Variants in HUNK observed in about 807,000 individuals in gnomAD.
HUNK encodes the protein hormonally up-regulated neu tumor-associated kinase.
A neutral mutation model predicts 61.0 loss-of-function variants in HUNK; 21 were observed. That is an observed-to-expected ratio of 0.34 (90% confidence interval 0.24 to 0.50). The LOEUF (loss-of-function observed/expected upper bound fraction) is 0.50, where lower values mean the gene tolerates loss of function less well. HUNK is among the 20% of genes least tolerant of loss of function. HUNK has a pLI of 0.98. For missense variants in HUNK, 772 were observed against 945.7 expected, an observed-to-expected ratio of 0.82 and a Z score of 2.41; for synonymous variants, 371 against 386.1, an observed-to-expected ratio of 0.96 and a Z score of 0.46.
intron 2 of HUNK, among the ~76,000 whole-genome samples, chr21:31,925,463 G>A (rs2052653473): frequency 6.6e-6 from 1 of 152,220 alleles, no homozygotes; most frequent in South Asian, 2.1e-4. Flanking sequence ...TTAGGTGCCT[G>A]AAAGAGCCAG....
intron 1 of HUNK, among the ~76,000 whole-genome samples, chr21:31,887,926 T>C (rs2123791176): frequency 6.6e-6 from 1 of 152,280 alleles, no homozygotes; most frequent in East Asian, 1.9e-4. Context: ...ACATGGTTTT[T>C]GCTTTGATCA....
intron 1 of HUNK, among the ~76,000 whole-genome samples, chr21:31,885,978 G>T (rs1429491706): frequency 6.6e-6 from 1 of 152,036 alleles, no homozygotes; most frequent in East Asian, 1.9e-4. Flanking sequence ...TGATCCACCC[G>T]TCTCAGCCTC....
chr21:31,922,523 C>T (rs1212533734), intron 1 of HUNK, among the ~76,000 whole-genome samples: 1 of 151,834 alleles, frequency 6.6e-6, no homozygotes, highest in Non-Finnish European at 1.5e-5. Flanking sequence ...GACAGGGTTT[C>T]ACCATGTTGG....
intron 7 of HUNK, among the ~76,000 whole-genome samples, chr21:31,978,335 C>T (rs2053065416): frequency 6.6e-6 from 1 of 152,048 alleles, no homozygotes; most frequent in Non-Finnish European, 1.5e-5. Context: ...GTGGTGAGAC[C>T]ATTGAAAATC....
rs79564457 is a variant in HUNK at position 31,908,025 on chromosome 21, T to G, written c.262-16443T>G. Among the ~76,000 whole-genome samples the G allele has an allele frequency of 4.7e-3, 711 of 152,262 alleles. 2 individuals are homozygous for G. Among genetic ancestry groups the G allele is most frequent in the African/African-American group, 0.015 (643 of 41,544 alleles). ...AAAAAATGGTGAGGACAGTAACTTT[T>G]ATTTAGGTGTTTTTACCGCAATAAA... On this transcript the variant is annotated intron_variant, in intron 1 of 10. Transcript: ENST00000270112.
In HUNK at chr21:31,998,626, G is replaced by T; in HGVS notation, c.1587G>T (p.Pro529=). The T allele has an allele frequency of 6.2e-7, 1 of 1,614,066 alleles. No individual in the cohort carries two copies. The highest frequency in any genetic ancestry group is 8.5e-7 in the Non-Finnish European group (1 of 1,180,022). The change falls in exon 11 of 11, where the codon CCG becomes CCT. Residue 529 remains proline, a synonymous_variant. Coordinates refer to ENST00000270112, the MANE Select transcript of HUNK (RefSeq NM_014586.2). ...EFIPVPPPRT[P]RIVKKPEPHQ... Reference sequence around the variant, plus strand: ...TCCCCGTGCCACCGCCCAGGACCCCGAGGATTGTGAAGAAACCGGAGCCCC... The same window carrying T: ...TCCCCGTGCCACCGCCCAGGACCCCTAGGATTGTGAAGAAACCGGAGCCCC...
chr21:31,879,126 T>A (rs1195813535), intron 1 of HUNK, among the ~76,000 whole-genome samples: 1 of 152,220 alleles, frequency 6.6e-6, no homozygotes, highest in Non-Finnish European at 1.5e-5. Context: ...GCAAGAAATA[T>A]GACTAATTTT....
intron 1 of HUNK, among the ~76,000 whole-genome samples, chr21:31,923,453 A>C (rs568857343): frequency 6.7e-6 from 1 of 149,786 alleles, no homozygotes; most frequent in Admixed American, 6.6e-5. Context: ...AAGAAAGAGA[A>C]AAAGAGAGAG....
chr21:31,924,348 G>A lies in HUNK; in HGVS notation c.262-120G>A, dbSNP rs2052644998. On this transcript the variant is annotated intron_variant, in intron 1 of 10. Transcript: ENST00000270112. The surrounding 1 kb of genome is among the most constrained non-coding windows in gnomAD (Gnocchi z 5.1). Reference sequence around the variant, plus strand: ...ATATTTTCTGTTGATGCTGTTTTAGGTAAGGTGTTTCTCCTCTGCAGAGAC... The same window carrying A: ...ATATTTTCTGTTGATGCTGTTTTAGATAAGGTGTTTCTCCTCTGCAGAGAC... The A allele has an allele frequency of 2.6e-6, 2 of 756,468 alleles. No individual in the cohort carries two copies. The highest frequency in any genetic ancestry group is 2.1e-6 in the Non-Finnish European group (1 of 474,208). The allele number at this position is 756,468 out of a possible 1,614,324, so 46.9% of individuals were successfully genotyped here.
chr21:31,925,426 T>C (rs2052653273), intron 2 of HUNK, among the ~76,000 whole-genome samples: 1 of 152,244 alleles, frequency 6.6e-6, no homozygotes, highest in Non-Finnish European at 1.5e-5. Flanking sequence ...CTTTTCTTCT[T>C]GTTTGCATAG....
At chr21:31,973,023 T>C (rs2053022595) in intron 6 of HUNK, among the ~76,000 whole-genome samples, 3 of 152,186 alleles carry the variant, frequency 2.0e-5, no homozygotes, top group Admixed American at 1.3e-4. Context: ...CTGGGCATTA[T>C]GGTTCTGAGG....
At chr21:31,943,734 C>T (rs118120047) in intron 3 of HUNK, among the ~76,000 whole-genome samples, 1,539 of 152,134 alleles carry the variant, frequency 0.01, 21 homozygotes, top group Middle Eastern at 0.041. Flanking sequence ...GGCCTCTTAT[C>T]TCTCTCTCTG....
At chr21:31,967,358 T>C (rs1405920369) in intron 5 of HUNK, among the ~76,000 whole-genome samples, 2 of 152,042 alleles carry the variant, frequency 1.3e-5, no homozygotes, top group East Asian at 3.9e-4. Context: ...CTCCAAAATA[T>C]AAAAAATAAT....
chr21:31,886,638 TG>T (rs2052347970), intron 1 of HUNK, among the ~76,000 whole-genome samples: 1 of 151,896 alleles, frequency 6.6e-6, no homozygotes, highest in East Asian at 1.9e-4. Context: ...GAATAGTTTC[TG>T]GTACAGAGAA....
At chr21:31,918,210 CTTGTAAGT>C (rs149226892) in intron 1 of HUNK, among the ~76,000 whole-genome samples, 8,742 of 152,020 alleles carry the variant, frequency 0.058, 839 homozygotes, top group African/African-American at 0.2. Flanking sequence ...GTATTATCAA[CTTGTAAGT>C]ATGGAGCTTG....
At chr21:31,978,436 T>C (rs941490031) in intron 7 of HUNK, among the ~76,000 whole-genome samples, 2 of 152,166 alleles carry the variant, frequency 1.3e-5, no homozygotes, top group South Asian at 4.1e-4. Flanking sequence ...TTTCCTCCTG[T>C]TTAACTGAAA....
At chr21:31,918,574 A>G (rs1445915271) in intron 1 of HUNK, among the ~76,000 whole-genome samples, 1 of 152,152 alleles carries the variant, frequency 6.6e-6, no homozygotes, top group Non-Finnish European at 1.5e-5. Flanking sequence ...CTAAGGGGAG[A>G]CTTGGACTTT....
At chr21:31,882,236 G>A (rs2052313732) in intron 1 of HUNK, among the ~76,000 whole-genome samples, 1 of 152,132 alleles carries the variant, frequency 6.6e-6, no homozygotes, top group African/African-American at 2.4e-5. Context: ...TGGCCACTGT[G>A]CCCTAGCTAT....
At chr21:31,948,664 G>T (rs985213422) in intron 4 of HUNK, among the ~76,000 whole-genome samples, 4 of 152,132 alleles carry the variant, frequency 2.6e-5, no homozygotes, top group African/African-American at 9.7e-5. Context: ...GACGGAGGGA[G>T]GGAGGAAGGA....
Sources: allele counts gnomAD v4.1 joint callset (sites outside exome capture counted in the v4.1 genomes callset), GRCh38; gene constraint gnomAD v4.1.1; non-coding constraint Gnocchi (gnomAD v3.1); transcripts MANE v1.5; gene names NCBI Gene and HGNC (gene_info 2026-07-23, HGNC 2026-07-21).